HEATR4: variants seen among roughly 807,000 people sequenced by gnomAD.
The protein encoded by HEATR4 is HEAT repeat containing 4, also known as HEAT repeat-containing protein 4.
In HEATR4, 95 loss-of-function variants were observed where a neutral mutation model predicts 108.8. The ratio of observed to expected loss-of-function variants is 0.87; its 90% CI spans 0.74 to 1.04. HEATR4 has a LOEUF of 1.04. Ranked by LOEUF, HEATR4 falls within the 50% of genes least tolerant of loss-of-function variation. HEATR4 has a pLI of 0.00. For missense variants in HEATR4, 1,152 were observed against 1,253.8 expected (o/e 0.92, Z 1.23); for synonymous variants, 443 against 459.4 (o/e 0.96, Z 0.46).
chr14:73,610,436 G>A, the HEATR4 span, among the ~76,000 whole-genome samples: 11 of 151,982 alleles, frequency 7.2e-5, no homozygotes, highest in South Asian at 1.2e-3. Context: ...GATTACAGGC[G>A]CGTGCTGCCA....
At chr14:73,608,932 A>C in the HEATR4 span, among the ~76,000 whole-genome samples, 102 of 152,276 alleles carry the variant, frequency 6.7e-4, no homozygotes, top group Non-Finnish European at 1.2e-3. Context: ...AGCCTTTATA[A>C]AACCATCAGA....
At chr14:73,612,604 C>A in the HEATR4 span, 471 of 1,416,304 alleles carry the variant, frequency 3.3e-4, 6 homozygotes, top group South Asian at 6.2e-3. Flanking sequence ...AGCCCGCGGG[C>A]CGCTGCTGCT....
chr14:73,498,186 G>A lies in HEATR4; in HGVS notation c.2515C>T (p.Leu839=), dbSNP rs1595092463. The change falls in exon 14 of 18, where the codon CTG becomes TTG. Residue 839 remains leucine, a synonymous_variant. Coordinates refer to ENST00000553558, the MANE Select transcript of HEATR4 (RefSeq NM_001220484.1). ...DRVRDTFLDV[L]LLENHDAVLK... Reference sequence around the variant, plus strand: ...ACAGCATCGTGGTTCTCCAGGAGCAGCACGTCTAGGAAGGTGTCCCTGACC... The same window carrying A: ...ACAGCATCGTGGTTCTCCAGGAGCAACACGTCTAGGAAGGTGTCCCTGACC... 1.9e-6 allele frequency: 3 copies of A among 1,613,316 alleles called. No homozygotes were observed. Among genetic ancestry groups the A allele is most frequent in the Non-Finnish European group, 2.5e-6 (3 of 1,179,440 alleles).
the HEATR4 span, among the ~76,000 whole-genome samples, chr14:73,589,985 G>A: frequency 7.1e-3 from 1,088 of 152,278 alleles, 18 homozygotes; most frequent in African/African-American, 0.025. Context: ...GTGAAGCTGC[G>A]GACCTTCGCA....
the HEATR4 span, among the ~76,000 whole-genome samples, chr14:73,568,416 A>G: frequency 6.6e-6 from 1 of 151,550 alleles, no homozygotes. Context: ...AAAAAGCGCG[A>G]TGCATGGGGA....
At chr14:73,490,865 G>C (rs916080135) in intron 17 of HEATR4, 3 of 736,454 alleles carry the variant, frequency 4.1e-6, no homozygotes, top group Non-Finnish European at 5.7e-6. Flanking sequence ...AAGAGAGCGG[G>C]AGGGGCCGAA....
the HEATR4 span, chr14:73,573,708 C>T: frequency 8.3e-7 from 1 of 1,205,354 alleles, no homozygotes; most frequent in East Asian, 2.4e-5. Context: ...ACACACACTA[C>T]CTTTTTTAGT....
Position 73,492,936 on chromosome 14 carries a change from T to C in HEATR4, c.2844+130A>G. 1 of 1,611,832 alleles carries C rather than the reference T, an allele frequency of 6.2e-7. No homozygotes were observed. ...CTGCTCACTAAGATGCCTCTAGCCC[T>C]AAATTAGTTTCTTGTTGATTGCTGG... On this transcript the variant is annotated intron_variant, in intron 17 of 17. Coordinates refer to ENST00000553558, the MANE Select transcript of HEATR4 (RefSeq NM_001220484.1). The surrounding 1 kb of genome is among the most constrained non-coding windows in gnomAD (Gnocchi z 4.9).
At chr14:73,576,118 A>G in the HEATR4 span, among the ~76,000 whole-genome samples, 1 of 151,936 alleles carries the variant, frequency 6.6e-6, no homozygotes, top group Non-Finnish European at 1.5e-5. Context: ...GCAGTGAGAA[A>G]AGATTGTGCT....
chr14:73,620,542 G>C, the HEATR4 span, among the ~76,000 whole-genome samples: 1 of 151,920 alleles, frequency 6.6e-6, no homozygotes, highest in African/African-American at 2.4e-5. Context: ...CTGCCCACTC[G>C]ATTGCCTTAA....
the HEATR4 span, chr14:73,569,902 T>C: frequency 1.3e-6 from 2 of 1,597,190 alleles, no homozygotes; most frequent in Non-Finnish European, 1.7e-6. Flanking sequence ...CCTCCGCTAA[T>C]TGTTCCGTGT....
the HEATR4 span, among the ~76,000 whole-genome samples, chr14:73,620,559 G>A: frequency 6.6e-6 from 1 of 151,980 alleles, no homozygotes; most frequent in African/African-American, 2.4e-5. Flanking sequence ...TTAAGGAATG[G>A]ACTCTGCCTC....
At chr14:73,482,495 C>T (rs978626814) in intron 17 of HEATR4, among the ~76,000 whole-genome samples, 1 of 152,098 alleles carries the variant, frequency 6.6e-6, no homozygotes, top group Admixed American at 6.6e-5. Context: ...GCACTCCAGT[C>T]TGGGCGACAC....
the HEATR4 span, among the ~76,000 whole-genome samples, chr14:73,566,225 A>G: frequency 6.6e-6 from 1 of 151,996 alleles, no homozygotes; most frequent in Non-Finnish European, 1.5e-5. Context: ...GCTAGACATA[A>G]AGGTTCTCCA....
At chr14:73,622,405 CAA>C in the HEATR4 span, among the ~76,000 whole-genome samples, 3 of 152,052 alleles carry the variant, frequency 2.0e-5, no homozygotes, top group Non-Finnish European at 4.4e-5. Context: ...CACCTGTCTC[CAA>C]TATATATATT....
At chr14:73,589,744 G>A in the HEATR4 span, among the ~76,000 whole-genome samples, 20 of 152,224 alleles carry the variant, frequency 1.3e-4, no homozygotes, top group African/African-American at 3.1e-4. Flanking sequence ...CTTCAACAAC[G>A]AAGCCACAGA....
the HEATR4 span, among the ~76,000 whole-genome samples, chr14:73,615,643 T>G: frequency 6.6e-6 from 1 of 151,638 alleles, no homozygotes; most frequent in East Asian, 2.0e-4. Flanking sequence ...GGCAGGAGAA[T>G]CGCTTGAACC....
intron 1 of HEATR4, among the ~76,000 whole-genome samples, chr14:73,553,244 C>G (rs1295235836): frequency 8.7e-6 from 1 of 114,962 alleles, no homozygotes; most frequent in African/African-American, 2.8e-5. Context: ...TGGTGGCTCA[C>G]ACCTGTAATC....
intron 4 of HEATR4, chr14:73,520,606 C>G: frequency 2.5e-6 from 1 of 403,724 alleles, no homozygotes; most frequent in Non-Finnish European, 4.4e-6. Context: ...CAGTTCCACC[C>G]TTCATTGCCT....
Sources: gnomAD v4.1 joint callset for allele counts (sites outside exome capture counted in the v4.1 genomes callset) on GRCh38, gnomAD v4.1.1 for gene constraint, Gnocchi (gnomAD v3.1) non-coding constraint, MANE v1.5 for transcripts, NCBI Gene and HGNC (gene_info 2026-07-23, HGNC 2026-07-21) for gene names.